Variants in TLL1 observed in about 807,000 individuals in gnomAD.
TLL1 encodes tolloid-like protein 1.
In TLL1, 49 loss-of-function variants were observed where a neutral mutation model predicts 128.2. That is an observed-to-expected ratio of 0.38 (90% confidence interval 0.30 to 0.48). The LOEUF is 0.48. Ranked by LOEUF, TLL1 falls within the 20% of genes least tolerant of loss-of-function variation. The pLI is 0.96. For missense variants in TLL1, 1,123 were observed against 1,242.0 expected (o/e 0.90, Z 1.44); for synonymous variants, 454 against 418.8 (o/e 1.08, Z -1.03).
intron 16 of TLL1, among the ~76,000 whole-genome samples, chr4:166,068,035 A>G (rs182151222): frequency 2.7e-3 from 405 of 151,980 alleles, no homozygotes; most frequent in Non-Finnish European, 4.7e-3. Context: ...ATTGTTTTGT[A>G]AAGTCCAAGA....
intron 1 of TLL1, among the ~76,000 whole-genome samples, chr4:165,937,488 A>G (rs1216186097): frequency 6.6e-6 from 1 of 152,286 alleles, no homozygotes. Context: ...TGCTACATCT[A>G]TTACCTACTA....
intron 1 of TLL1, among the ~76,000 whole-genome samples, chr4:165,919,506 C>T (rs892440981): frequency 6.6e-6 from 1 of 151,310 alleles, no homozygotes; most frequent in Non-Finnish European, 1.5e-5. Context: ...TATTTATAGA[C>T]AATATAATTC....
intron 1 of TLL1, among the ~76,000 whole-genome samples, chr4:165,886,692 A>C (rs1257488066): frequency 6.6e-6 from 1 of 152,190 alleles, no homozygotes; most frequent in Non-Finnish European, 1.5e-5. Flanking sequence ...TCCATATAAC[A>C]CTTAATACAA....
intron 1 of TLL1, among the ~76,000 whole-genome samples, chr4:165,968,286 C>G (rs1354307): frequency 1.3e-5 from 2 of 152,146 alleles, no homozygotes; most frequent in African/African-American, 4.8e-5. Flanking sequence ...TTTTGAAGAA[C>G]TATTACATTA....
At chr4:166,041,166 T>C (rs191557238) in intron 10 of TLL1, among the ~76,000 whole-genome samples, 19 of 152,318 alleles carry the variant, frequency 1.2e-4, no homozygotes, top group African/African-American at 4.1e-4. Flanking sequence ...AGATTATAGC[T>C]TTATAGATGA....
intron 1 of TLL1, among the ~76,000 whole-genome samples, chr4:165,901,274 T>A (rs763937403): frequency 5.9e-5 from 9 of 152,188 alleles, no homozygotes; most frequent in Non-Finnish European, 7.3e-5. Context: ...CAAGTTTTGT[T>A]CCCTTGCTGG....
intron 12 of TLL1, among the ~76,000 whole-genome samples, chr4:166,047,092 C>T (rs547484091): frequency 4.6e-5 from 7 of 151,686 alleles, no homozygotes; most frequent in Admixed American, 1.3e-4. Context: ...ATGATTTTAC[C>T]TGATAAAGTA....
chr4:165,892,648 G>A (rs910116314), intron 1 of TLL1, among the ~76,000 whole-genome samples: 1 of 152,104 alleles, frequency 6.6e-6, no homozygotes, highest in Admixed American at 6.6e-5. Flanking sequence ...TGAAAATCAG[G>A]AAAGTGAAAG....
chr4:166,049,803 C>T, intron 12 of TLL1, among the ~76,000 whole-genome samples: 1 of 151,362 alleles, frequency 6.6e-6, no homozygotes, highest in East Asian at 1.9e-4. Flanking sequence ...CTAGATTTTT[C>T]TCATTATAAA....
chr4:166,052,965 G>GTATATATATATATATATATATATATATA (rs61229255), intron 12 of TLL1, among the ~76,000 whole-genome samples: 11 of 99,644 alleles, frequency 1.1e-4, no homozygotes, highest in African/African-American at 3.4e-4. Context: ...GAGGTTATGT[G>GTATATATATATATATATATATATATATA]TATATATATA....
Position 166,057,172 on chromosome 4 carries a change from C to A in TLL1, c.1721-12C>A. 6.2e-7 allele frequency: 1 copy of A among 1,613,440 alleles called. No individual in the cohort carries two copies. The highest frequency in any genetic ancestry group is 8.5e-7 in the Non-Finnish European group (1 of 1,179,662). ...ATGTATAGTTGTTCTATAACTATGA[C>A]CATTTTCATAGAGGAAGATGAGTGT... On this transcript the variant is annotated splice_polypyrimidine_tract_variant and intron_variant, in intron 13 of 20. Coordinates refer to ENST00000061240, the MANE Select transcript of TLL1 (RefSeq NM_012464.5).
intron 15 of TLL1, among the ~76,000 whole-genome samples, chr4:166,062,329 A>G (rs1390265883): frequency 2.0e-5 from 3 of 152,150 alleles, no homozygotes; most frequent in African/African-American, 4.8e-5. Context: ...TTTTCACAAT[A>G]TTGATTCTTC....
At chr4:166,078,075 T>C in intron 18 of TLL1, 45 bp downstream of exon 18, 1 of 1,610,428 alleles carries the variant, frequency 6.2e-7, no homozygotes, top group Non-Finnish European at 8.5e-7. Flanking sequence ...TGACTGCCCT[T>C]GTCTTTCACT....
intron 1 of TLL1, among the ~76,000 whole-genome samples, chr4:165,934,173 CTTTT>C (rs779010027): frequency 1.8e-5 from 2 of 108,302 alleles, no homozygotes; most frequent in Non-Finnish European, 3.7e-5. Context: ...TAATTTTTTG[CTTTT>C]TTTTTTTTTT....
At chr4:166,012,062 A>T (rs907337373) in intron 7 of TLL1, among the ~76,000 whole-genome samples, 2 of 151,588 alleles carry the variant, frequency 1.3e-5, no homozygotes, top group Non-Finnish European at 3.0e-5. Flanking sequence ...GGGTCTTTAT[A>T]TGAGTGACTA....
chr4:166,101,748 C>T lies in TLL1; in HGVS notation c.*872C>T, dbSNP rs1275822979. The T allele has an allele frequency of 6.6e-6, 1 of 152,472 alleles. No homozygotes were observed. The highest frequency in any genetic ancestry group is 2.4e-5 in the African/African-American group (1 of 41,426). 9.4% of individuals were successfully genotyped at this position (152,472 alleles called of 1,614,324 possible). A position where few individuals can be genotyped will look rare whatever the true frequency, so the allele number is the denominator to read the frequency against. ...ATGACTGTCTGGATGGTTCATTACT[C>T]AAGTTACTGCTGCTGCTATTGTCTT... On this transcript the variant is annotated 3_prime_UTR_variant, in exon 21 of 21. Coordinates refer to ENST00000061240, the MANE Select transcript of TLL1 (RefSeq NM_012464.5).
intron 5 of TLL1, among the ~76,000 whole-genome samples, chr4:166,002,354 G>A (rs1404550298): frequency 6.6e-6 from 1 of 151,988 alleles, no homozygotes; most frequent in African/African-American, 2.4e-5. Flanking sequence ...AATTTTGGGG[G>A]GATATAATAT....
intron 8 of TLL1, among the ~76,000 whole-genome samples, chr4:166,019,797 G>A (rs191860751): frequency 3.3e-5 from 5 of 152,076 alleles, no homozygotes; most frequent in Middle Eastern, 6.8e-3. Context: ...CATACTATCA[G>A]TTTATGAAAT....
chr4:165,877,984 C>G (rs1324033040), intron 1 of TLL1, among the ~76,000 whole-genome samples: 1 of 152,114 alleles, frequency 6.6e-6, no homozygotes, highest in East Asian at 1.9e-4. Flanking sequence ...GACTTTCTAC[C>G]TAGAAGCTCC....
Sources: gnomAD v4.1 joint callset for allele counts (sites outside exome capture counted in the v4.1 genomes callset) on GRCh38, gnomAD v4.1.1 for gene constraint, MANE v1.5 for transcripts, NCBI Gene and HGNC (gene_info 2026-07-23, HGNC 2026-07-21) for gene names.